Variants in ZNF257 observed in about 807,000 individuals in gnomAD.
The protein encoded by ZNF257 is zinc finger protein 257.
In ZNF257, 12 loss-of-function variants were observed where a neutral mutation model predicts 11.9. The observed-to-expected ratio is 1.01, with a 90% confidence interval of 0.65 to 1.63. The LOEUF (loss-of-function observed/expected upper bound fraction) is 1.63, where lower values mean the gene tolerates loss of function less well. Ranked by LOEUF, ZNF257 falls within the 40% of genes most tolerant of loss-of-function variation. ZNF257 has a pLI of 0.00. For missense variants in ZNF257, 580 were observed against 665.5 expected, an observed-to-expected ratio of 0.87 and a Z score of 1.41; for synonymous variants, 183 against 222.7, an observed-to-expected ratio of 0.82 and a Z score of 1.59.
chr19:22,060,941 C>G (rs987601280), intron 1 of ZNF257, among the ~76,000 whole-genome samples: 1 of 152,118 alleles, frequency 6.6e-6, no homozygotes, highest in Non-Finnish European at 1.5e-5. Flanking sequence ...TGTAGGTGTG[C>G]AGAATAAATT....
intron 1 of ZNF257, among the ~76,000 whole-genome samples, chr19:22,069,352 C>T (rs760089373): frequency 7.9e-5 from 12 of 152,142 alleles, no homozygotes; most frequent in Admixed American, 3.3e-4. Context: ...TGGTGGCTTA[C>T]GCCTGTAATC....
At chr19:22,074,548 C>T (rs1013175175) in intron 3 of ZNF257, 7 of 152,092 alleles carry the variant, frequency 4.6e-5, no homozygotes, top group Admixed American at 2.0e-4. Flanking sequence ...CATGGGGTTT[C>T]ACCATGTTGG....
intron 3 of ZNF257, among the ~76,000 whole-genome samples, chr19:22,082,924 AT>A (rs1266427282): frequency 6.6e-6 from 1 of 152,172 alleles, no homozygotes; most frequent in East Asian, 1.9e-4. Context: ...TGAATCAGCC[AT>A]ACAGCTAGTG....
chr19:22,070,446 A>T (rs1354782342), intron 1 of ZNF257, among the ~76,000 whole-genome samples: 1 of 152,150 alleles, frequency 6.6e-6, no homozygotes, highest in African/African-American at 2.4e-5. Context: ...TGTTATGAAG[A>T]TTATGTCACA....
chr19:22,078,066 C>T (rs1318768843), intron 3 of ZNF257, among the ~76,000 whole-genome samples: 5 of 149,472 alleles, frequency 3.3e-5, no homozygotes, highest in East Asian at 2.0e-4. Context: ...GGTGAAACCC[C>T]GTCTCTACTA....
intron 1 of ZNF257, among the ~76,000 whole-genome samples, chr19:22,053,782 G>C (rs938727634): frequency 1.3e-5 from 2 of 151,928 alleles, no homozygotes; most frequent in Non-Finnish European, 2.9e-5. Context: ...AAAATTAGCG[G>C]GGCGTGGTAG....
chr19:22,055,135 C>T (rs1286833399), intron 1 of ZNF257, among the ~76,000 whole-genome samples: 1 of 152,030 alleles, frequency 6.6e-6, no homozygotes, highest in Non-Finnish European at 1.5e-5. Flanking sequence ...ATAATTTCTG[C>T]CCCCTGGATT....
rs1055079651 is a variant in ZNF257 at position 22,089,903 on chromosome 19, C to G, written c.*461C>G. 1.3e-5 allele frequency: 2 copies of G among 157,268 alleles called. No homozygotes were observed. Among genetic ancestry groups the G allele is most frequent in the African/African-American group, 4.8e-5 (2 of 41,412 alleles). 9.7% of individuals were successfully genotyped at this position (157,268 alleles called of 1,614,324 possible). ...TGTCACAGTGCTTTTAACAATACCT[C>G]AAACTTTTCTAAACATAAAAAAAAA... On this transcript the variant is annotated 3_prime_UTR_variant, in exon 4 of 4. Coordinates refer to ENST00000594947, the MANE Select transcript of ZNF257 (RefSeq NM_033468.4).
chr19:22,069,083 G>A (rs2022032766), intron 1 of ZNF257, among the ~76,000 whole-genome samples: 1 of 152,062 alleles, frequency 6.6e-6, no homozygotes, highest in Non-Finnish European at 1.5e-5. Flanking sequence ...TCAATTGCTG[G>A]TACTTGGGAG....
intron 3 of ZNF257, among the ~76,000 whole-genome samples, chr19:22,084,390 C>A (rs2022427161): frequency 6.7e-6 from 1 of 150,180 alleles, no homozygotes; most frequent in African/African-American, 2.4e-5. Flanking sequence ...AATTCTGTAG[C>A]TTTGTAATCT....
Position 22,089,367 on chromosome 19 carries a change from A to G in ZNF257, c.1617A>G (p.Gly539=). 1 of 1,613,410 alleles carries G rather than the reference A, an allele frequency of 6.2e-7. No individual in the cohort carries two copies. The highest frequency in any genetic ancestry group is 1.1e-5 in the South Asian group (1 of 91,052). The part of the protein sequence containing the change: ...YLTVHKRIHA[G]ENPNKYEECG... ...CCGTACATAAGAGAATTCATGCTGG[A>G]GAGAACCCCAACAAATATGAAGAAT... The change falls in exon 4 of 4, where the codon GGA becomes GGG. Residue 539 remains glycine, a synonymous_variant. Coordinates refer to ENST00000594947, the MANE Select transcript of ZNF257 (RefSeq NM_033468.4).
chr19:22,053,186 T>C (rs1190942012), intron 1 of ZNF257, among the ~76,000 whole-genome samples: 1 of 151,288 alleles, frequency 6.6e-6, no homozygotes, highest in Non-Finnish European at 1.5e-5. Flanking sequence ...CTGGCCAATA[T>C]GGTGAAACCC....
At chr19:22,087,125 C>T (rs1300508000) in intron 3 of ZNF257, among the ~76,000 whole-genome samples, 2 of 151,158 alleles carry the variant, frequency 1.3e-5, no homozygotes, top group East Asian at 3.9e-4. Flanking sequence ...AAAATTTATA[C>T]ATTTTTATTT....
At chr19:22,068,923 C>G (rs1178536374) in intron 1 of ZNF257, among the ~76,000 whole-genome samples, 1 of 152,106 alleles carries the variant, frequency 6.6e-6, no homozygotes, top group Non-Finnish European at 1.5e-5. Flanking sequence ...TCAGAATCAC[C>G]TAGGTGTCTT....
intron 1 of ZNF257, among the ~76,000 whole-genome samples, chr19:22,055,472 C>T (rs1224888394): frequency 1.3e-5 from 2 of 152,022 alleles, no homozygotes; most frequent in African/African-American, 2.4e-5. Context: ...TCCCAAAGTG[C>T]TGGAATTACA....
At chr19:22,072,987 T>A in intron 2 of ZNF257, 52 bp downstream of exon 2, 1 of 1,439,174 alleles carries the variant, frequency 6.9e-7, no homozygotes, top group Non-Finnish European at 9.1e-7. Flanking sequence ...GGCTTTATTT[T>A]TTATTTATTT....
intron 1 of ZNF257, among the ~76,000 whole-genome samples, chr19:22,054,535 A>C (rs2021574368): frequency 1.3e-5 from 2 of 152,178 alleles, no homozygotes; most frequent in Non-Finnish European, 2.9e-5. Flanking sequence ...CCTAATTCAC[A>C]TTATCAATTA....
At chr19:22,078,799 T>A (rs2022291025) in intron 3 of ZNF257, among the ~76,000 whole-genome samples, 1 of 150,474 alleles carries the variant, frequency 6.6e-6, no homozygotes. Context: ...TTTCTTTTTT[T>A]TTTTTTTTTT....
intron 3 of ZNF257, among the ~76,000 whole-genome samples, chr19:22,080,443 C>T (rs576064853): frequency 6.2e-4 from 94 of 152,264 alleles, no homozygotes; most frequent in Non-Finnish European, 9.3e-4. Context: ...CTTCACCTTA[C>T]ACTTGCTGTC....
Sources: gnomAD v4.1 joint callset for allele counts (sites outside exome capture counted in the v4.1 genomes callset) on GRCh38, gnomAD v4.1.1 for gene constraint, MANE v1.5 for transcripts, NCBI Gene and HGNC (gene_info 2026-07-23, HGNC 2026-07-21) for gene names.